RNF217: variants seen among roughly 807,000 people sequenced by gnomAD.
RNF217 encodes E3 ubiquitin-protein ligase RNF217.
In RNF217, 31 loss-of-function variants were observed where a neutral mutation model predicts 57.8. The ratio of observed to expected loss-of-function variants is 0.54; its 90% CI spans 0.40 to 0.72. The LOEUF (loss-of-function observed/expected upper bound fraction) is 0.72. Among genes scored for constraint, RNF217 ranks in the 30% least tolerant of loss-of-function variants. The pLI is 0.00. For missense variants in RNF217, 696 were observed against 708.3 expected, an observed-to-expected ratio of 0.98 and a Z score of 0.20; for synonymous variants, 313 against 294.0, an observed-to-expected ratio of 1.06 and a Z score of -0.66.
intron 1 of RNF217, among the ~76,000 whole-genome samples, chr6:125,040,358 C>A (rs145905158): frequency 1.5e-3 from 229 of 152,180 alleles, no homozygotes; most frequent in African/African-American, 5.2e-3. Context: ...GGATAAATCC[C>A]TGGACACATA....
intron 1 of RNF217, among the ~76,000 whole-genome samples, chr6:125,028,994 A>G (rs1786232201): frequency 1.3e-5 from 2 of 152,162 alleles, no homozygotes; most frequent in South Asian, 4.1e-4. Context: ...CAATAACAAA[A>G]TCAAGAAGTT....
At chr6:125,062,676 A>G (rs1378815803) in intron 3 of RNF217, among the ~76,000 whole-genome samples, 1 of 152,064 alleles carries the variant, frequency 6.6e-6, no homozygotes, top group African/African-American at 2.4e-5. Context: ...TCCCGGGCTC[A>G]AGAGATTCTC....
chr6:125,037,650 A>G (rs1009491404), intron 1 of RNF217, among the ~76,000 whole-genome samples: 2 of 152,170 alleles, frequency 1.3e-5, no homozygotes, highest in African/African-American at 4.8e-5. Flanking sequence ...GGCGGACATC[A>G]GTGAGTCTGA....
rs1378267487 is a variant in RNF217, at chr6:125,084,099, C to T, written c.*1162C>T. 6.6e-6 allele frequency: 1 copy of T among 151,936 alleles called. No homozygotes were observed. The highest frequency in any genetic ancestry group is 1.5e-5 in the Non-Finnish European group (1 of 67,940). The allele number at this position is 151,936 out of a possible 1,614,324, so 9.4% of individuals were successfully genotyped here. ...CTAACCTTGTTATCTCTTGCCTCCT[C>T]CTCTCTGTTTTTATTTGTTTTCAAG... On this transcript the variant is annotated 3_prime_UTR_variant, in exon 6 of 6. Transcript: ENST00000521654.
At chr6:125,009,286 A>G in intron 1 of RNF217, 1 of 1,584,306 alleles carries the variant, frequency 6.3e-7, no homozygotes, top group Non-Finnish European at 8.7e-7. Flanking sequence ...GATGAAGGTA[A>G]AGTACATAGA....
intron 3 of RNF217, among the ~76,000 whole-genome samples, chr6:125,072,451 C>T (rs371817771): frequency 1.1e-4 from 16 of 152,080 alleles, no homozygotes; most frequent in South Asian, 6.2e-4. Flanking sequence ...ATTTGACCAA[C>T]GGTATTTTAG....
rs1788783311 is a variant in RNF217 at position 125,086,798 on chromosome 6, G to A, written c.*3861G>A. On this transcript the variant is annotated 3_prime_UTR_variant, in exon 6 of 6. Coordinates refer to ENST00000521654, the MANE Select transcript of RNF217 (RefSeq NM_001286398.3). ...AGGTTACAACATGATATCTTTAATT[G>A]TACTTTCTCTGCTGTGGTATCAAGA... is the stretch of plus-strand genomic sequence containing the variant. 6.6e-6 allele frequency: 1 copy of A among 152,036 alleles called. No individual in the cohort carries two copies. The highest frequency in any genetic ancestry group is 6.6e-5 in the Admixed American group (1 of 15,228). 9.4% of individuals were successfully genotyped at this position (152,036 alleles called of 1,614,324 possible).
chr6:125,067,183 A>G (rs959751079), intron 3 of RNF217, among the ~76,000 whole-genome samples: 15 of 152,162 alleles, frequency 9.9e-5, no homozygotes, highest in African/African-American at 3.4e-4. Context: ...AGCCACAGGC[A>G]CTTTGTGGTT....
chr6:125,036,553 A>G (rs181403256), intron 1 of RNF217, among the ~76,000 whole-genome samples: 447 of 152,330 alleles, frequency 2.9e-3, no homozygotes, highest in African/African-American at 0.01. Flanking sequence ...GCTTCTGCAC[A>G]GCAAAAGAAA....
chr6:124,998,499 A>G (rs180853503), intron 1 of RNF217, among the ~76,000 whole-genome samples: 157 of 152,294 alleles, frequency 1.0e-3, no homozygotes, highest in Non-Finnish European at 1.8e-3. Context: ...TGGTCATAAC[A>G]TTTAAAAACT....
intron 4 of RNF217, among the ~76,000 whole-genome samples, chr6:125,079,284 T>C (rs1788486971): frequency 6.6e-6 from 1 of 152,182 alleles, no homozygotes; most frequent in South Asian, 2.1e-4. Context: ...TGGCTGAGGA[T>C]AAATTTTAAA....
intron 5 of RNF217, 44 bp downstream of exon 5, chr6:125,081,551 C>A: frequency 2.1e-6 from 3 of 1,456,312 alleles, no homozygotes; most frequent in Non-Finnish European, 2.9e-6. Context: ...TATCTGAGGG[C>A]CATAGAGAGA....
chr6:124,989,033 A>C (rs1455331321), intron 1 of RNF217, among the ~76,000 whole-genome samples: 1 of 152,246 alleles, frequency 6.6e-6, no homozygotes, highest in Non-Finnish European at 1.5e-5. Flanking sequence ...TTTTATAAGC[A>C]TATATCTGCT....
chr6:125,031,527 A>G (rs972346695), intron 1 of RNF217, among the ~76,000 whole-genome samples: 2 of 152,166 alleles, frequency 1.3e-5, no homozygotes, highest in African/African-American at 4.8e-5. Context: ...CTCAAGTTCA[A>G]AGTTTCAGTT....
In RNF217 at chr6:125,057,380, C is replaced by T. The variant is rs982648969; in HGVS notation, c.1117-562C>T. ...TATTTTTCGTAGAGATGGGGTTTCA[C>T]CATGTTGGCCAGGCTGGGCTTTAAC... is the stretch of plus-strand genomic sequence containing the variant. On this transcript the variant is annotated intron_variant, in intron 2 of 5. Transcript: ENST00000521654. Among the ~76,000 whole-genome samples the T allele has an allele frequency of 6.6e-5, 10 of 152,084 alleles. 1 individual carries two copies. Among genetic ancestry groups the T allele is most frequent in the African/African-American group, 2.4e-4 (10 of 41,408 alleles).
intron 3 of RNF217, among the ~76,000 whole-genome samples, chr6:125,073,360 A>C (rs1788224081): frequency 6.6e-6 from 1 of 152,160 alleles, no homozygotes; most frequent in African/African-American, 2.4e-5. Flanking sequence ...CAGAAAGCTA[A>C]AGGGCTTAAG....
intron 3 of RNF217, among the ~76,000 whole-genome samples, chr6:125,062,749 G>C (rs2181281): frequency 1.8e-4 from 28 of 151,862 alleles, no homozygotes; most frequent in Admixed American, 4.6e-4. Context: ...GCTAATTTTT[G>C]TATTTTTAGT....
chr6:125,011,664 C>T lies in RNF217; in HGVS notation c.883-33547C>T, dbSNP rs546831242. The stretch of plus-strand genomic sequence containing the variant: ...GATCCCATAGTTTTATATGAGAGAG[C>T]AAGGAGTGTCAGGTTCTAAAAAAGT... On this transcript the variant is annotated intron_variant, in intron 1 of 5. Transcript: ENST00000521654. Among the ~76,000 whole-genome samples the T allele has an allele frequency of 7.2e-5, 11 of 152,146 alleles. No individual in the cohort carries two copies. The East Asian group carries it at 1.3e-3, about 19-fold the overall frequency.
chr6:125,039,270 G>A (rs1227844767), intron 1 of RNF217, among the ~76,000 whole-genome samples: 1 of 151,748 alleles, frequency 6.6e-6, no homozygotes, highest in African/African-American at 2.4e-5. Flanking sequence ...TAAGTTCCAG[G>A]ATACATGTAC....
Sources: allele counts gnomAD v4.1 joint callset (sites outside exome capture counted in the v4.1 genomes callset), GRCh38; gene constraint gnomAD v4.1.1; transcripts MANE v1.5; gene names NCBI Gene and HGNC (gene_info 2026-07-23, HGNC 2026-07-21).